The following KCNT2 variants were observed in gnomAD, a reference collection of about 807,000 sequenced individuals.
KCNT2 encodes potassium channel subfamily T member 2.
A neutral mutation model predicts 153.8 loss-of-function variants in KCNT2; 67 were observed. That is an observed-to-expected ratio of 0.44 (90% CI 0.36 to 0.53). KCNT2 has a LOEUF of 0.53. Among genes scored for constraint, KCNT2 ranks in the 20% least tolerant of loss-of-function variants. KCNT2 has a pLI of 0.00. For synonymous variants in KCNT2, 500 were observed against 458.8 expected (o/e 1.09, Z -1.15); for missense variants, 975 against 1,354.8 (o/e 0.72, Z 4.40).
intron 15 of KCNT2, 45 bp downstream of exon 15, chr1:196,342,033 GC>G (rs750462926): frequency 7.9e-5 from 125 of 1,580,472 alleles, no homozygotes; most frequent in South Asian, 2.1e-4. Flanking sequence ...CACATGATAT[GC>G]TTGACTGATT....
chr1:196,319,369 T>A, intron 20 of KCNT2, 115 bp downstream of exon 20: 2 of 547,172 alleles, frequency 3.7e-6, no homozygotes, highest in Non-Finnish European at 6.6e-6. Flanking sequence ...GCAAAATATA[T>A]CATATTTGCA....
At chr1:196,585,113 G>A (rs1662516135) in intron 1 of KCNT2, among the ~76,000 whole-genome samples, 1 of 151,976 alleles carries the variant, frequency 6.6e-6, no homozygotes, top group African/African-American at 2.4e-5. Context: ...GAGTCTAGTT[G>A]GAGAAACTGC....
chr1:196,585,738 G>A (rs1662602717), intron 1 of KCNT2, among the ~76,000 whole-genome samples: 2 of 152,044 alleles, frequency 1.3e-5, no homozygotes, highest in Admixed American at 1.3e-4. Context: ...TCATCCATTA[G>A]GTTTGTCAGT....
intron 8 of KCNT2, among the ~76,000 whole-genome samples, chr1:196,456,885 T>C (rs1270533521): frequency 6.6e-6 from 1 of 151,956 alleles, no homozygotes; most frequent in East Asian, 1.9e-4. Flanking sequence ...CATGATATAG[T>C]TAAACCAAAG....
At chr1:196,340,648 A>C in intron 15 of KCNT2, 78 bp from the exon 16 acceptor site, 2 of 825,364 alleles carry the variant, frequency 2.4e-6, no homozygotes, top group East Asian at 2.7e-5. Context: ...AGCTTTAAAT[A>C]ATAGCATTTT....
intron 14 of KCNT2, among the ~76,000 whole-genome samples, chr1:196,372,784 T>C (rs534945585): frequency 2.6e-5 from 4 of 152,040 alleles, no homozygotes; most frequent in Admixed American, 2.0e-4. Context: ...TACTAATAAC[T>C]GTGAGAATCC....
At position 196,489,786 on chromosome 1, in the gene KCNT2, A is replaced by G. The variant is rs368090744; in HGVS notation, c.275+52T>C. 3.7e-4 allele frequency: 362 copies of G among 972,854 alleles called. 2 individuals are homozygous for G. In the African/African-American group the frequency reaches 5.4e-3, roughly 15 times the overall value. 60.3% of individuals were successfully genotyped at this position (972,854 alleles called of 1,614,324 possible). A position where few individuals can be genotyped will look rare whatever the true frequency, so the allele number is the denominator to read the frequency against. On this transcript the variant is annotated intron_variant, in intron 3 of 27. Transcript: ENST00000294725. The stretch of plus-strand genomic sequence containing the variant: ...ATGCTTTAAATTTAAAATGTGATAC[A>G]ACTCAAAATAATCAAAATAATATTG...
chr1:196,547,118 A>G (rs1190236038), intron 1 of KCNT2, among the ~76,000 whole-genome samples: 1 of 151,992 alleles, frequency 6.6e-6, no homozygotes. Flanking sequence ...GCATGCAAGA[A>G]GTTAAAGAGT....
At chr1:196,394,926 G>A (rs937435826) in intron 13 of KCNT2, among the ~76,000 whole-genome samples, 7 of 150,476 alleles carry the variant, frequency 4.7e-5, no homozygotes, top group Non-Finnish European at 1.0e-4. Flanking sequence ...TTTTTTCTTG[G>A]TTATTTTGAA....
At chr1:196,574,306 C>T (rs1661111137) in intron 1 of KCNT2, among the ~76,000 whole-genome samples, 1 of 151,516 alleles carries the variant, frequency 6.6e-6, no homozygotes, top group Admixed American at 6.6e-5. Flanking sequence ...ATAATCCATA[C>T]ATTTTTAAAG....
intron 14 of KCNT2, among the ~76,000 whole-genome samples, chr1:196,367,431 C>T (rs1394474855): frequency 1.3e-5 from 2 of 151,882 alleles, no homozygotes; most frequent in Non-Finnish European, 2.9e-5. Flanking sequence ...CCATTTCGTT[C>T]GTATGATATT....
At chr1:196,330,153 G>A (rs758826279) in intron 18 of KCNT2, among the ~76,000 whole-genome samples, 5 of 150,488 alleles carry the variant, frequency 3.3e-5, no homozygotes, top group African/African-American at 1.2e-4. Flanking sequence ...GGGAAACAAA[G>A]GCAGGAATTT....
chr1:196,456,130 A>G (rs890002910), intron 8 of KCNT2, among the ~76,000 whole-genome samples: 2 of 152,012 alleles, frequency 1.3e-5, no homozygotes, highest in Admixed American at 6.6e-5. Context: ...TGCCTGCCTC[A>G]GGAGGCATGA....
intron 13 of KCNT2, among the ~76,000 whole-genome samples, chr1:196,395,162 C>G (rs1026516292): frequency 6.6e-6 from 1 of 151,148 alleles, no homozygotes; most frequent in Admixed American, 6.6e-5. Flanking sequence ...GTTTGTTTTC[C>G]TAAAATATTT....
intron 8 of KCNT2, among the ~76,000 whole-genome samples, chr1:196,441,325 A>AAT (rs1353272576): frequency 6.6e-6 from 1 of 151,190 alleles, no homozygotes. Flanking sequence ...AAAAATAAAA[A>AAT]ATATATATAT....
At chr1:196,536,303 T>A (rs1461261050) in intron 1 of KCNT2, among the ~76,000 whole-genome samples, 1 of 152,222 alleles carries the variant, frequency 6.6e-6, no homozygotes, top group Non-Finnish European at 1.5e-5. Context: ...GTCACTTTTG[T>A]AACTTATAGG....
At position 196,280,874 on chromosome 1, in the gene KCNT2, G is replaced by A. The variant is rs781723893; in HGVS notation, c.2896C>T (p.Leu966Phe). 1 of 1,612,122 alleles carries A rather than the reference G, an allele frequency of 6.2e-7. No individual in the cohort carries two copies. Among genetic ancestry groups the A allele is most frequent in the Non-Finnish European group, 8.5e-7 (1 of 1,178,456 alleles). The change falls in exon 25 of 28, where the codon CTT (leucine) becomes TTT (phenylalanine). Residue 966 changes from leucine to phenylalanine, a missense_variant. Coordinates refer to ENST00000294725, the MANE Select transcript of KCNT2 (RefSeq NM_198503.5). ...IGIYRTESQK[L>F]TTSESQISIS... The stretch of plus-strand genomic sequence containing the variant: ...TATTTCCAAACCTCAGATGTAGTAA[G>A]TTTCTGAGACTCAGTCCTGTAGATT...
At chr1:196,294,952 G>A (rs1660546928) in intron 22 of KCNT2, among the ~76,000 whole-genome samples, 1 of 151,470 alleles carries the variant, frequency 6.6e-6, no homozygotes, top group South Asian at 2.1e-4. Context: ...TCAGTTAAGA[G>A]GAAAAAGCTT....
intron 14 of KCNT2, among the ~76,000 whole-genome samples, chr1:196,350,414 T>C (rs1185930879): frequency 6.6e-6 from 1 of 152,210 alleles, no homozygotes; most frequent in Non-Finnish European, 1.5e-5. Context: ...TGGTGTGAGA[T>C]GGTATCTCAT....
Sources: gnomAD v4.1 joint callset for allele counts (sites outside exome capture counted in the v4.1 genomes callset) on GRCh38, gnomAD v4.1.1 for gene constraint, MANE v1.5 for transcripts, NCBI Gene and HGNC (gene_info 2026-07-23, HGNC 2026-07-21) for gene names.